TET2: variants seen among roughly 807,000 people sequenced by gnomAD.
The protein encoded by TET2 is tet methylcytosine dioxygenase 2.
A neutral mutation model predicts 142.9 loss-of-function variants in TET2; 299 were observed. The ratio of observed to expected loss-of-function variants is 2.09; its 90% CI spans 1.90 to 2.30. The LOEUF (loss-of-function observed/expected upper bound fraction) is 2.30, where lower values mean the gene tolerates loss of function less well. Among genes scored for constraint, TET2 ranks in the 30% most tolerant of loss-of-function variants. The pLI, the probability that TET2 is intolerant of heterozygous loss-of-function variation, is 0.00. For missense variants in TET2, 2,418 were observed against 2,378.0 expected (o/e 1.02, Z -0.35); for synonymous variants, 819 against 849.0 (o/e 0.96, Z 0.61).
intron 2 of TET2, among the ~76,000 whole-genome samples, chr4:105,195,294 A>C (rs141266923): frequency 5.3e-5 from 8 of 152,306 alleles, no homozygotes; most frequent in Non-Finnish European, 8.8e-5. Context: ...ATGTAAATAC[A>C]GGCACTAAAA....
At chr4:105,184,805 T>C (rs1383347412) in intron 1 of TET2, among the ~76,000 whole-genome samples, 2 of 151,936 alleles carry the variant, frequency 1.3e-5, no homozygotes, top group Admixed American at 6.6e-5. Flanking sequence ...CCTGCTGAGG[T>C]GAGTAACGTG....
Position 105,243,767 on chromosome 4 carries a change from C to G in TET2, c.3792C>G (p.Ala1264=), listed in dbSNP as rs1435561479. The part of the protein sequence containing the change: ...KYGTLTNRRC[A]LNEERTCACQ... ...GCACGCTCACCAATCGCCGGTGTGC[C>G]TTGAATGAAGAGTAAGTGAAGCCCA... The change falls in exon 6 of 11, where the codon GCC becomes GCG. Residue 1264 remains alanine (A), a synonymous_variant. Transcript: ENST00000380013. 1 of 1,551,392 alleles carries G rather than the reference C, an allele frequency of 6.4e-7. No homozygotes were observed. Among genetic ancestry groups the G allele is most frequent in the Non-Finnish European group, 8.7e-7 (1 of 1,146,834 alleles).
intron 2 of TET2, among the ~76,000 whole-genome samples, chr4:105,219,622 T>C (rs1271917777): frequency 1.3e-5 from 2 of 152,164 alleles, no homozygotes; most frequent in African/African-American, 4.8e-5. Flanking sequence ...AATTTCTACC[T>C]TTTGATAGCT....
intron 7 of TET2, among the ~76,000 whole-genome samples, chr4:105,261,021 T>G (rs985862046): frequency 6.6e-6 from 1 of 151,906 alleles, no homozygotes; most frequent in Non-Finnish European, 1.5e-5. Context: ...TTCAGAAACC[T>G]CCTCACCTTC....
At chr4:105,189,634 T>C (rs1028841940) in intron 1 of TET2, among the ~76,000 whole-genome samples, 1 of 152,222 alleles carries the variant, frequency 6.6e-6, no homozygotes, top group Non-Finnish European at 1.5e-5. Flanking sequence ...TCAGTGCATG[T>C]CATCTCCACT....
intron 2 of TET2, among the ~76,000 whole-genome samples, chr4:105,228,720 C>T (rs1353904980): frequency 4.6e-5 from 7 of 152,002 alleles, no homozygotes; most frequent in African/African-American, 1.7e-4. Flanking sequence ...AAGAAAAGTG[C>T]CTTTTTTTGG....
At chr4:105,185,936 T>C (rs904928429) in intron 1 of TET2, among the ~76,000 whole-genome samples, 2 of 152,054 alleles carry the variant, frequency 1.3e-5, no homozygotes, top group South Asian at 4.2e-4. Context: ...CAATTAAAAA[T>C]GTAGATATGG....
At chr4:105,219,021 TTA>T (rs1001933140) in intron 2 of TET2, among the ~76,000 whole-genome samples, 2 of 152,040 alleles carry the variant, frequency 1.3e-5, no homozygotes, top group Non-Finnish European at 1.5e-5. Flanking sequence ...GAACACATGG[TTA>T]TATGATACTC....
Position 105,176,784 on chromosome 4 carries a change from G to T in TET2, c.-192-13576G>T, listed in dbSNP as rs1418331319. Among the ~76,000 whole-genome samples, 21 of 152,292 alleles carry T rather than the reference G, an allele frequency of 1.4e-4. No individual in the cohort carries two copies. The East Asian group carries it at 3.9e-3, about 28-fold the overall frequency. ...AAAAGGATTCTAAAGTTTATATGGA[G>T]AGGCAAAAGAGCAGAATAGCCAACT... On this transcript the variant is annotated intron_variant, in intron 1 of 10. Coordinates refer to ENST00000380013, the MANE Select transcript of TET2 (RefSeq NM_001127208.3).
intron 1 of TET2, among the ~76,000 whole-genome samples, chr4:105,155,802 A>G (rs1490693069): frequency 6.6e-6 from 1 of 152,202 alleles, no homozygotes; most frequent in Non-Finnish European, 1.5e-5. Flanking sequence ...TATTGGCTTT[A>G]TATAATTGTT....
chr4:105,234,241 A>G lies in TET2; in HGVS notation c.299A>G (p.Glu100Gly). 1.2e-6 allele frequency: 2 copies of G among 1,614,148 alleles called. No individual in the cohort carries two copies. Among genetic ancestry groups the G allele is most frequent in the Non-Finnish European group, 1.7e-6 (2 of 1,180,022 alleles). Residue 100 changes from glutamate to glycine, a missense_variant, in exon 3 of 11, where the codon GAA becomes GGA. Coordinates refer to ENST00000380013, the MANE Select transcript of TET2 (RefSeq NM_001127208.3). ...QNGGIKRTVS[E>G]PSLSGLLQIK... Reference sequence around the variant, plus strand: ...GGAGGAATAAAACGCACAGTTAGTGAACCTTCTCTCTCTGGGCTCCTTCAG... The same window carrying G: ...GGAGGAATAAAACGCACAGTTAGTGGACCTTCTCTCTCTGGGCTCCTTCAG...
rs1454121074 is a variant in TET2 at position 105,276,474 on chromosome 4, A to G, written c.5964A>G (p.Pro1988=). 6.4e-7 allele frequency: 1 copy of G among 1,551,222 alleles called. No individual in the cohort carries two copies. The highest frequency in any genetic ancestry group is 8.7e-7 in the Non-Finnish European group (1 of 1,146,712). The change falls in exon 11 of 11, where the codon CCA becomes CCG. Residue 1988 remains proline, a synonymous_variant. Transcript: ENST00000380013. ...CAGACTCCACAGTAACTACATCTCC[A>G]TATGCCTTCACTCGGGTCACAGGGC... The part of the protein sequence containing the change: ...VTTDSTVTTS[P]YAFTRVTGPY...
At position 105,243,791 on chromosome 4, in the gene TET2, C is replaced by CA; in HGVS notation, c.3803+14dup. On this transcript the variant is annotated intron_variant, in intron 6 of 10. Transcript: ENST00000380013. ...CCTTGAATGAAGAGTAAGTGAAGCC[C>CA]AGGGCCTCTCCCCTCTTTGCGGCCA... is the stretch of plus-strand genomic sequence containing the variant. The CA allele has an allele frequency of 6.5e-7, 1 of 1,549,856 alleles. No individual in the cohort carries two copies. The highest frequency in any genetic ancestry group is 8.7e-7 in the Non-Finnish European group (1 of 1,145,404).
At chr4:105,149,241 T>C (rs943308284) in intron 1 of TET2, among the ~76,000 whole-genome samples, 23 of 152,176 alleles carry the variant, frequency 1.5e-4, no homozygotes, top group African/African-American at 4.8e-4. Context: ...CAACTAATAA[T>C]AGATACAACA....
chr4:105,253,524 T>A (rs1560559586), intron 6 of TET2, among the ~76,000 whole-genome samples: 1 of 151,752 alleles, frequency 6.6e-6, no homozygotes, highest in Non-Finnish European at 1.5e-5. Flanking sequence ...TGCAACCATG[T>A]TATATAATCA....
intron 7 of TET2, among the ~76,000 whole-genome samples, chr4:105,260,172 A>ATTTAATAAAGTCACTGTAATGAATGCAT (rs1730352446): frequency 6.6e-6 from 1 of 152,060 alleles, no homozygotes; most frequent in African/African-American, 2.4e-5. Flanking sequence ...TAATGAATGC[A>ATTTAATAAAGTCACTGTAATGAATGCAT]TTTAATAAAG....
At position 105,241,433 on chromosome 4, in the gene TET2, A is replaced by C; in HGVS notation, c.3500+4A>C. On this transcript the variant is annotated splice_donor_region_variant and intron_variant, in intron 4 of 10. Transcript: ENST00000380013. ...TTAGAGAAATCATGGAAGAAAGGTAATTAACGCAAAGGCACAGGGCAGATT... is the reference window on the plus strand; with the variant it reads ...TTAGAGAAATCATGGAAGAAAGGTACTTAACGCAAAGGCACAGGGCAGATT... 1 of 1,549,150 alleles carries C rather than the reference A, an allele frequency of 6.5e-7. No homozygotes were observed. The highest frequency in any genetic ancestry group is 8.7e-7 in the Non-Finnish European group (1 of 1,146,390).
chr4:105,240,145 A>T (rs1476901944), intron 3 of TET2: 2 of 232,902 alleles, frequency 8.6e-6, no homozygotes, highest in Non-Finnish European at 1.8e-5. Context: ...AAACTTTAAA[A>T]TACTGTGAGA....
chr4:105,234,005 AC>A lies in TET2; in HGVS notation c.65del (p.Pro22LeufsTer27). ...NRLSPFLIPS[P>X]PICQTEPLAT... ...GACTAAGTCCATTCCTGATACCATC[AC>A]CTCCCATTTGCCAGACAGAACCTCT... On this transcript the variant is annotated frameshift_variant, in exon 3 of 11. Transcript: ENST00000380013. LOFTEE classifies it high-confidence loss of function. 1 of 1,614,020 alleles carries A rather than the reference AC, an allele frequency of 6.2e-7. No homozygotes were observed. Among genetic ancestry groups the A allele is most frequent in the Non-Finnish European group, 8.5e-7 (1 of 1,179,994 alleles).
Sources: gnomAD v4.1 joint callset for allele counts (sites outside exome capture counted in the v4.1 genomes callset) on GRCh38, gnomAD v4.1.1 for gene constraint, MANE v1.5 for transcripts, NCBI Gene and HGNC (gene_info 2026-07-23, HGNC 2026-07-21) for gene names.